SNX29: variants seen among roughly 807,000 people sequenced by gnomAD.
The protein encoded by SNX29 is sorting nexin-29.
In SNX29, 78 loss-of-function variants were observed where a neutral mutation model predicts 102.1. That is an observed-to-expected ratio of 0.76 (90% CI 0.64 to 0.92). The LOEUF (loss-of-function observed/expected upper bound fraction) is 0.92. Among genes scored for constraint, SNX29 ranks in the 40% least tolerant of loss-of-function variants. The probability of loss-of-function intolerance (pLI) is 0.00; values close to 1 mark genes in which losing one functional copy is unlikely to be tolerated. For missense variants in SNX29, 1,280 were observed against 1,061.7 expected (o/e 1.21, Z -2.86); for synonymous variants, 580 against 414.5 (o/e 1.40, Z -4.85).
At chr16:12,495,565 C>G (rs2088780886) in intron 19 of SNX29, among the ~76,000 whole-genome samples, 1 of 152,206 alleles carries the variant, frequency 6.6e-6, no homozygotes, top group African/African-American at 2.4e-5. Context: ...AGCATTAGCA[C>G]ATTTTATGAA....
intron 14 of SNX29, among the ~76,000 whole-genome samples, chr16:12,246,397 T>G (rs1412156029): frequency 2.6e-5 from 4 of 152,082 alleles, no homozygotes; most frequent in Non-Finnish European, 5.9e-5. Context: ...TCCCAGCACT[T>G]TGGGAGGCTG....
chr16:12,383,195 G>T (rs558177670), intron 16 of SNX29, among the ~76,000 whole-genome samples: 87 of 152,274 alleles, frequency 5.7e-4, no homozygotes, highest in African/African-American at 2.0e-3. Flanking sequence ...CCATTGTGAT[G>T]AGCTTGGAGC....
chr16:12,554,603 G>A (rs7190533), intron 20 of SNX29, among the ~76,000 whole-genome samples: 16,459 of 152,216 alleles, frequency 0.11, 1,091 homozygotes, highest in Non-Finnish European at 0.14. Flanking sequence ...CCAAGCCAGA[G>A]GAGCTCACTC....
chr16:12,199,663 GAGA>G lies in SNX29; in HGVS notation c.1661_1663del (p.Glu554del). 1.2e-6 allele frequency: 2 copies of G among 1,612,460 alleles called. No individual in the cohort carries two copies. The highest frequency in any genetic ancestry group is 1.7e-4 in the Middle Eastern group (1 of 6,060). On this transcript the variant is annotated inframe_deletion, in exon 14 of 21. Coordinates refer to ENST00000566228, the MANE Select transcript of SNX29 (RefSeq NM_032167.5). ...GTAGGAGCTGTCCAGATGCTGAAAA[GAGA>G]AGGTCAAACAGCTGAAGGTGAGGGG...
At chr16:12,454,474 T>A (rs965178921) in intron 18 of SNX29, among the ~76,000 whole-genome samples, 1 of 152,134 alleles carries the variant, frequency 6.6e-6, no homozygotes, top group Admixed American at 6.5e-5. Flanking sequence ...ACTCTAGAGG[T>A]GACATAGCAC....
chr16:12,202,775 G>A (rs2076944782), intron 14 of SNX29, among the ~76,000 whole-genome samples: 3 of 152,250 alleles, frequency 2.0e-5, no homozygotes, highest in Admixed American at 1.3e-4. Flanking sequence ...TTGCTGAAAT[G>A]TGAAACAAGA....
chr16:12,337,456 C>G (rs1182259822), intron 15 of SNX29, among the ~76,000 whole-genome samples: 6 of 152,108 alleles, frequency 3.9e-5, no homozygotes, highest in African/African-American at 1.4e-4. Flanking sequence ...ATCCTCCCAC[C>G]TCAGCTTCCC....
chr16:12,534,832 G>T (rs183220364), intron 20 of SNX29, among the ~76,000 whole-genome samples: 286 of 152,302 alleles, frequency 1.9e-3, no homozygotes, highest in African/African-American at 6.6e-3. Flanking sequence ...ACAGCTGGGA[G>T]TGAATGCAGA....
intron 14 of SNX29, among the ~76,000 whole-genome samples, chr16:12,231,633 G>A (rs1328123155): frequency 6.6e-6 from 1 of 152,172 alleles, no homozygotes; most frequent in African/African-American, 2.4e-5. Context: ...CATGTTTCTA[G>A]TTATTTTGGA....
chr16:12,568,294 G>A (rs1399475558), intron 20 of SNX29, among the ~76,000 whole-genome samples: 7 of 85,056 alleles, frequency 8.2e-5, no homozygotes, highest in South Asian at 3.8e-4. Flanking sequence ...TTGGAGCCTC[G>A]GAGTGCTGTT....
intron 15 of SNX29, among the ~76,000 whole-genome samples, chr16:12,290,980 G>C (rs1368308586): frequency 1.3e-5 from 2 of 152,156 alleles, no homozygotes; most frequent in Non-Finnish European, 2.9e-5. Flanking sequence ...GAATTGAATG[G>C]TATCTATTCA....
intron 20 of SNX29, among the ~76,000 whole-genome samples, chr16:12,543,568 C>T (rs988462075): frequency 6.6e-6 from 1 of 152,216 alleles, no homozygotes; most frequent in Non-Finnish European, 1.5e-5. Context: ...GCCACGAGAT[C>T]ACGCTTCCGT....
intron 20 of SNX29, among the ~76,000 whole-genome samples, chr16:12,565,333 G>A (rs189692844): frequency 6.6e-6 from 1 of 152,182 alleles, no homozygotes; most frequent in Admixed American, 6.5e-5. Flanking sequence ...AGCAGTCTGG[G>A]TTTTCCATCT....
At chr16:12,548,698 G>C (rs574376344) in intron 20 of SNX29, among the ~76,000 whole-genome samples, 1 of 152,184 alleles carries the variant, frequency 6.6e-6, no homozygotes, top group Non-Finnish European at 1.5e-5. Flanking sequence ...GCACTGCAGG[G>C]CATTGTACTG....
chr16:12,274,234 A>G (rs939469497), intron 14 of SNX29, among the ~76,000 whole-genome samples: 1 of 152,154 alleles, frequency 6.6e-6, no homozygotes, highest in African/African-American at 2.4e-5. Flanking sequence ...AGGTTTCTTC[A>G]TTGTTTTCTA....
chr16:12,496,282 A>C (rs961398108), intron 19 of SNX29, among the ~76,000 whole-genome samples: 1 of 152,208 alleles, frequency 6.6e-6, no homozygotes, highest in African/African-American at 2.4e-5. Context: ...CACCCAAGTC[A>C]GGGGTTGTGT....
At chr16:12,411,672 T>C (rs997848337) in intron 18 of SNX29, among the ~76,000 whole-genome samples, 3 of 152,172 alleles carry the variant, frequency 2.0e-5, no homozygotes, top group Admixed American at 6.5e-5. Context: ...AACTTGACAT[T>C]GAGCTGACCG....
At chr16:12,315,994 C>A (rs1194388680) in intron 15 of SNX29, among the ~76,000 whole-genome samples, 1 of 152,226 alleles carries the variant, frequency 6.6e-6, no homozygotes, top group Non-Finnish European at 1.5e-5. Context: ...AGATACACAA[C>A]TGCGTAGCCA....
chr16:12,178,377 C>A lies in SNX29; in HGVS notation c.1596-21224C>A, dbSNP rs934807198. 1.2e-4 allele frequency among the ~76,000 whole-genome samples: 19 copies of A among 152,238 alleles called. No homozygotes were observed. In the East Asian group the frequency reaches 3.5e-3, roughly 28 times the overall value. ...GAAGAGGTGGGAGGTTTAAGTCATG[C>A]TCATTGGAGTGTGATGCTGGAGACG... is the stretch of plus-strand genomic sequence containing the variant. On this transcript the variant is annotated intron_variant, in intron 13 of 20. Coordinates refer to ENST00000566228, the MANE Select transcript of SNX29 (RefSeq NM_032167.5).
Sources: allele counts gnomAD v4.1 joint callset (sites outside exome capture counted in the v4.1 genomes callset), GRCh38; gene constraint gnomAD v4.1.1; transcripts MANE v1.5; gene names NCBI Gene and HGNC (gene_info 2026-07-23, HGNC 2026-07-21).